The following WWTR1 variants were observed in gnomAD, a reference collection of about 807,000 sequenced individuals.
WWTR1 encodes WW domain containing transcription regulator 1.
A neutral mutation model predicts 40.1 loss-of-function variants in WWTR1; 13 were observed. The observed-to-expected ratio is 0.32, with a 90% CI of 0.21 to 0.52. WWTR1 has a LOEUF of 0.52. Ranked by LOEUF, WWTR1 falls within the 20% of genes least tolerant of loss-of-function variation. The pLI, the probability that WWTR1 is intolerant of heterozygous loss-of-function variation, is 0.97. For missense variants in WWTR1, 436 were observed against 523.1 expected (o/e 0.83, Z 1.63); for synonymous variants, 230 against 210.1 (o/e 1.09, Z -0.82).
chr3:149,576,010 T>C (rs995495040), intron 2 of WWTR1: 4 of 456,560 alleles, frequency 8.8e-6, no homozygotes, highest in African/African-American at 6.0e-5. Context: ...CCCAGTGGAT[T>C]TGTTAATTAA....
intron 2 of WWTR1, among the ~76,000 whole-genome samples, chr3:149,664,176 GC>G (rs1476018310): frequency 1.3e-5 from 2 of 152,250 alleles, no homozygotes; most frequent in African/African-American, 4.8e-5. Context: ...GGCAGAACCT[GC>G]CCTGACTTGC....
At chr3:149,714,495 C>T (rs1213652074) in intron 5 of WWTR1, among the ~76,000 whole-genome samples, 1 of 152,252 alleles carries the variant, frequency 6.6e-6, no homozygotes, top group Non-Finnish European at 1.5e-5. Context: ...GCTGGGTGTG[C>T]GCAGGCTCAG....
chr3:149,583,342 C>G (rs1471110562), intron 2 of WWTR1, among the ~76,000 whole-genome samples: 2 of 152,158 alleles, frequency 1.3e-5, no homozygotes, highest in Non-Finnish European at 1.5e-5. Flanking sequence ...CAAGTATTTA[C>G]AGTGGGGTAC....
intron 2 of WWTR1, among the ~76,000 whole-genome samples, chr3:149,620,880 T>C (rs1740236925): frequency 6.6e-6 from 1 of 152,214 alleles, no homozygotes; most frequent in Non-Finnish European, 1.5e-5. Context: ...TCTCAAGCTT[T>C]TCAACTGTAG....
At chr3:149,714,060 T>A (rs1715538467) in intron 5 of WWTR1, among the ~76,000 whole-genome samples, 1 of 152,160 alleles carries the variant, frequency 6.6e-6, no homozygotes, top group Admixed American at 6.5e-5. Flanking sequence ...CAGGCCGAGT[T>A]GCCTGCTGGC....
intron 1 of WWTR1, among the ~76,000 whole-genome samples, chr3:149,683,860 T>C (rs1440671481): frequency 1.3e-5 from 2 of 152,152 alleles, no homozygotes; most frequent in Non-Finnish European, 1.5e-5. Context: ...GTGGAGATTA[T>C]GGATGGCTCC....
intron 2 of WWTR1, among the ~76,000 whole-genome samples, chr3:149,647,519 A>C (rs536298506): frequency 6.6e-6 from 1 of 152,258 alleles, no homozygotes; most frequent in African/African-American, 2.4e-5. Flanking sequence ...AAACCACAAG[A>C]GAGTATTCTG....
At chr3:149,669,265 C>T (rs1400563424) in intron 2 of WWTR1, among the ~76,000 whole-genome samples, 1 of 152,174 alleles carries the variant, frequency 6.6e-6, no homozygotes, top group African/African-American at 2.4e-5. Flanking sequence ...AGGGAACCTC[C>T]TTTGTGACCA....
chr3:149,556,378 A>C (rs1736825005), intron 3 of WWTR1, among the ~76,000 whole-genome samples: 2 of 152,180 alleles, frequency 1.3e-5, no homozygotes, highest in Non-Finnish European at 2.9e-5. Flanking sequence ...CAGGAGTTCC[A>C]GACCAGCCTT....
At chr3:149,705,055 A>G (rs910647254), upstream of WWTR1, among the ~76,000 whole-genome samples, 11 of 151,426 alleles carry the variant, frequency 7.3e-5, no homozygotes, top group Non-Finnish European at 1.2e-4. Context: ...TAATAATGGA[A>G]TTTTAAAACT....
At chr3:149,522,818 C>A (rs189745425) in intron 6 of WWTR1, among the ~76,000 whole-genome samples, 1 of 152,066 alleles carries the variant, frequency 6.6e-6, no homozygotes, top group African/African-American at 2.4e-5. Context: ...GGGTGGATCA[C>A]CTGAGGTCAG....
At chr3:149,622,756 G>T in intron 2 of WWTR1, among the ~76,000 whole-genome samples, 1 of 152,094 alleles carries the variant, frequency 6.6e-6, no homozygotes, top group East Asian at 1.9e-4. Context: ...CAGGCACAGT[G>T]GTGCATGCCT....
chr3:149,665,394 T>A (rs1476695465), intron 2 of WWTR1, among the ~76,000 whole-genome samples: 1 of 151,792 alleles, frequency 6.6e-6, no homozygotes, highest in Admixed American at 6.6e-5. Context: ...CCCAGTTAAT[T>A]TTTGTATTTT....
At chr3:149,641,287 C>T (rs1185327404) in intron 2 of WWTR1, among the ~76,000 whole-genome samples, 2 of 152,136 alleles carry the variant, frequency 1.3e-5, no homozygotes, top group Non-Finnish European at 2.9e-5. Flanking sequence ...TTTTCAGCAG[C>T]TTTCACACCT....
At chr3:149,677,590 C>T (rs1714310112) in intron 1 of WWTR1, among the ~76,000 whole-genome samples, 1 of 152,148 alleles carries the variant, frequency 6.6e-6, no homozygotes, top group African/African-American at 2.4e-5. Flanking sequence ...CCTGTAATCC[C>T]AGCACTTTGG....
rs760555116 is a variant in WWTR1 at position 149,575,464 on chromosome 3, GA to G, written c.432-2465del. Among the ~76,000 whole-genome samples the G allele has an allele frequency of 9.8e-5, 15 of 152,336 alleles. No homozygotes were observed. The East Asian group carries it at 2.3e-3, about 23-fold the overall frequency. The stretch of plus-strand genomic sequence containing the variant: ...ATAAATAGTTTTCACTCTGGTACCA[GA>G]AGGAAAAGAATCCTTCTCTCTTTCA... On this transcript the variant is annotated intron_variant, in intron 2 of 6. Transcript: ENST00000360632.
At chr3:149,527,396 C>T (rs558793745) in intron 5 of WWTR1, among the ~76,000 whole-genome samples, 1 of 152,192 alleles carries the variant, frequency 6.6e-6, no homozygotes, top group Admixed American at 6.5e-5. Flanking sequence ...ATCTGCCCAC[C>T]TCGGCCTCCC....
At chr3:149,712,715 T>A (rs79920480) in intron 5 of WWTR1, among the ~76,000 whole-genome samples, 2,095 of 152,294 alleles carry the variant, frequency 0.014, 30 homozygotes, top group East Asian at 0.063. Context: ...ATAGTAACAA[T>A]CTAAGCTTTC....
chr3:149,691,450 A>G (rs1714824835), intron 1 of WWTR1, among the ~76,000 whole-genome samples: 1 of 152,204 alleles, frequency 6.6e-6, no homozygotes, highest in Admixed American at 6.5e-5. Context: ...GACTCAGATA[A>G]ATAAAATCAG....
Sources: allele counts gnomAD v4.1 joint callset (sites outside exome capture counted in the v4.1 genomes callset), GRCh38; gene constraint gnomAD v4.1.1; transcripts MANE v1.5; gene names NCBI Gene and HGNC (gene_info 2026-07-23, HGNC 2026-07-21).